STRBP: variants seen among roughly 807,000 people sequenced by gnomAD.
STRBP encodes spermatid perinuclear RNA-binding protein.
Under a neutral mutation model 80.1 loss-of-function variants are expected in STRBP, and 13 were observed. That is an observed-to-expected ratio of 0.16 (90% CI 0.11 to 0.26). The LOEUF (loss-of-function observed/expected upper bound fraction) is 0.26, where lower values mean the gene tolerates loss of function less well. Among genes scored for constraint, STRBP ranks in the 10% least tolerant of loss-of-function variants. The pLI is 1.00. For synonymous variants in STRBP, 284 were observed against 291.2 expected (o/e 0.98, Z 0.25); for missense variants, 485 against 815.2 (o/e 0.59, Z 4.93).
At chr9:123,257,180 C>T (rs1588161750) in intron 1 of STRBP, among the ~76,000 whole-genome samples, 2 of 152,252 alleles carry the variant, frequency 1.3e-5, no homozygotes, top group African/African-American at 4.8e-5. Flanking sequence ...AAATGAACCA[C>T]TTATTTTCCA....
chr9:123,219,844 T>C (rs2040014039), intron 2 of STRBP, among the ~76,000 whole-genome samples: 1 of 152,176 alleles, frequency 6.6e-6, no homozygotes, highest in African/African-American at 2.4e-5. Context: ...GACAATTACC[T>C]TCAAAGGAGG....
In STRBP at chr9:123,136,499, G is replaced by C; in HGVS notation, c.1514C>G (p.Pro505Arg). The C allele has an allele frequency of 6.2e-7, 1 of 1,613,976 alleles. No individual in the cohort carries two copies. Among genetic ancestry groups the C allele is most frequent in the Non-Finnish European group, 8.5e-7 (1 of 1,179,958 alleles). Residue 505 changes from proline to arginine, a missense_variant, in exon 15 of 19, where the codon CCT becomes CGT. Physicochemically the swap from Pro to Arg is moderately radical, Grantham distance 103. Coordinates refer to ENST00000348403, the MANE Select transcript of STRBP (RefSeq NM_018387.5). The surrounding 1 kb of genome is among the most constrained non-coding windows in gnomAD (Gnocchi z 4.2). ...GTTTTTGCCACTTGCTGTGAGGATA[G>C]GGCCCTGAGTTCTTACCTATAAGAG... The part of the protein sequence containing the change: ...SSTLEVRTQG[P>R]ILTASGKNPV...
intron 8 of STRBP, among the ~76,000 whole-genome samples, chr9:123,159,653 T>TA (rs1346118285): frequency 1.3e-5 from 2 of 152,300 alleles, no homozygotes; most frequent in East Asian, 3.9e-4. Context: ...TCTCAAGTAT[T>TA]ACCATTAGAA....
chr9:123,166,535 C>A (rs1420078910), intron 6 of STRBP, among the ~76,000 whole-genome samples: 1 of 152,184 alleles, frequency 6.6e-6, no homozygotes, highest in Non-Finnish European at 1.5e-5. Flanking sequence ...GGGCAAATTG[C>A]CTGAGCTCAG....
At chr9:123,203,221 C>T (rs2039390107) in intron 2 of STRBP, among the ~76,000 whole-genome samples, 1 of 151,912 alleles carries the variant, frequency 6.6e-6, no homozygotes, top group African/African-American at 2.4e-5. Context: ...TGGCGTGTGC[C>T]TTCAGTCCTA....
Position 123,115,474 on chromosome 9 carries a change from C to A in STRBP, c.*84+455G>T. 2.3e-6 allele frequency: 1 copy of A among 442,984 alleles called. No individual in the cohort carries two copies. Among genetic ancestry groups the A allele is most frequent in the Non-Finnish European group, 4.7e-6 (1 of 210,578 alleles). 27.4% of individuals were successfully genotyped at this position (442,984 alleles called of 1,614,324 possible). On this transcript the variant is annotated intron_variant and NMD_transcript_variant, in intron 3 of 3. Transcript: ENST00000471564. The surrounding 1 kb of genome is among the most constrained non-coding windows in gnomAD (Gnocchi z 5.0). ...ACTCTCATTCTGTTCAAATCCTCTG[C>A]ACCTCTTTCTTCCCCTCCCTGTACT...
chr9:123,150,422 C>T, intron 11 of STRBP, among the ~76,000 whole-genome samples: 1 of 152,056 alleles, frequency 6.6e-6, no homozygotes. Context: ...GGGAGGTGAG[C>T]CTGGCACGGT....
chr9:123,267,047 C>T (rs907550688), intron 1 of STRBP, among the ~76,000 whole-genome samples: 4 of 151,732 alleles, frequency 2.6e-5, no homozygotes, highest in Admixed American at 6.6e-5. Context: ...TCCACACTTC[C>T]CGCCTCAGAA....
rs2040895137 is a variant in STRBP at position 123,250,688 on chromosome 9, T to G, written c.-301-13722A>C. On this transcript the variant is annotated intron_variant, in intron 1 of 18. Coordinates refer to ENST00000348403, the MANE Select transcript of STRBP (RefSeq NM_018387.5). ...TGGTCACTTAAGCTCTTGACAAATG[T>G]TTTGCACTCATTTTGCAATCAGCAA... Among the ~76,000 whole-genome samples, 4 of 152,188 alleles carry G rather than the reference T, an allele frequency of 2.6e-5. No homozygotes were observed. The South Asian group carries it at 8.3e-4, about 31-fold the overall frequency.
intron 1 of STRBP, among the ~76,000 whole-genome samples, chr9:123,260,583 G>A (rs1343674672): frequency 6.6e-6 from 1 of 152,226 alleles, no homozygotes; most frequent in Non-Finnish European, 1.5e-5. Context: ...CTTCTGTGCA[G>A]AAGATAAGGA....
chr9:123,157,976 C>T (rs367885757), intron 11 of STRBP, 36 bp downstream of exon 11: 2 of 1,471,886 alleles, frequency 1.4e-6, no homozygotes, highest in Non-Finnish European at 1.9e-6. Flanking sequence ...CTACCAGTGC[C>T]AACCCCCAAC....
Position 123,170,062 on chromosome 9 carries a change from A to T in STRBP, c.391-16T>A. ...CTGTGAGTTTCTGAAAGTCACCAAG[A>T]TTTCAAAATCACCCAGTTAATTAGA... On this transcript the variant is annotated splice_polypyrimidine_tract_variant and intron_variant, in intron 5 of 18. Transcript: ENST00000348403. The T allele has an allele frequency of 1.3e-6, 2 of 1,593,168 alleles. No individual in the cohort carries two copies. Among genetic ancestry groups the T allele is most frequent in the Non-Finnish European group, 1.7e-6 (2 of 1,171,418 alleles).
At chr9:123,258,655 T>A (rs895184313) in intron 1 of STRBP, among the ~76,000 whole-genome samples, 1 of 151,754 alleles carries the variant, frequency 6.6e-6, no homozygotes, top group African/African-American at 2.4e-5. Context: ...TACAAAAAAA[T>A]TAGCCAGGCA....
chr9:123,174,351 T>C (rs2038130464), intron 4 of STRBP, among the ~76,000 whole-genome samples: 1 of 152,278 alleles, frequency 6.6e-6, no homozygotes, highest in African/African-American at 2.4e-5. Flanking sequence ...GGAGAGAGGA[T>C]TGTTTGAGCC....
intron 2 of STRBP, among the ~76,000 whole-genome samples, chr9:123,186,031 CAA>C (rs745615075): frequency 3.6e-5 from 4 of 110,800 alleles, no homozygotes; most frequent in African/African-American, 3.6e-5. Flanking sequence ...GACTCCGTCT[CAA>C]AAAAAAAAAA....
intron 2 of STRBP, among the ~76,000 whole-genome samples, chr9:123,184,681 A>C (rs2038624389): frequency 6.6e-6 from 1 of 152,258 alleles, no homozygotes; most frequent in Non-Finnish European, 1.5e-5. Flanking sequence ...CTGAAAATTC[A>C]GTAAAGACAC....
At chr9:123,200,717 C>T (rs1218019101) in intron 2 of STRBP, among the ~76,000 whole-genome samples, 3 of 143,664 alleles carry the variant, frequency 2.1e-5, no homozygotes, top group South Asian at 2.2e-4. Flanking sequence ...ACAGGCGCCC[C>T]GCCACACACC....
chr9:123,195,729 T>C (rs1212796695), intron 2 of STRBP, among the ~76,000 whole-genome samples: 1 of 152,180 alleles, frequency 6.6e-6, no homozygotes, highest in African/African-American at 2.4e-5. Context: ...TATTCTATAT[T>C]CATGGATTGG....
At chr9:123,180,425 T>C (rs1292253872) in intron 3 of STRBP, among the ~76,000 whole-genome samples, 1 of 152,178 alleles carries the variant, frequency 6.6e-6, no homozygotes, top group South Asian at 2.1e-4. Context: ...GTGGGAGACA[T>C]TCCAAATGCA....
Sources: allele counts gnomAD v4.1 joint callset (sites outside exome capture counted in the v4.1 genomes callset), GRCh38; gene constraint gnomAD v4.1.1; non-coding constraint Gnocchi (gnomAD v3.1); transcripts MANE v1.5; gene names NCBI Gene and HGNC (gene_info 2026-07-23, HGNC 2026-07-21).